The following RYR3 variants were observed in gnomAD, a reference collection of about 807,000 sequenced individuals.
RYR3 encodes brain ryanodine receptor-calcium release channel.
Under a neutral mutation model 584.3 loss-of-function variants are expected in RYR3, and 207 were observed. That is an observed-to-expected ratio of 0.35 (90% confidence interval 0.32 to 0.40). The LOEUF is 0.40. Among genes scored for constraint, RYR3 ranks in the 10% least tolerant of loss-of-function variants. The pLI, the probability that RYR3 is intolerant of heterozygous loss-of-function variation, is 1.00. For missense variants in RYR3, 5,616 were observed against 6,089.2 expected (o/e 0.92, Z 2.59); for synonymous variants, 2,416 against 2,248.5 (o/e 1.07, Z -2.11).
At chr15:33,701,301 A>T (rs1458769152) in intron 42 of RYR3, among the ~76,000 whole-genome samples, 1 of 152,204 alleles carries the variant, frequency 6.6e-6, no homozygotes, top group Admixed American at 6.5e-5. Flanking sequence ...ACATGTGGAC[A>T]TTTGTGTTCT....
At chr15:33,864,482 G>T (rs977633921) in intron 103 of RYR3, among the ~76,000 whole-genome samples, 12 of 152,156 alleles carry the variant, frequency 7.9e-5, no homozygotes, top group African/African-American at 2.9e-4. Flanking sequence ...AATAAGAAAT[G>T]GAGTGGGTGG....
In RYR3 at chr15:33,780,335, A is replaced by T. The variant is rs2074308170; in HGVS notation, c.9262A>T (p.Arg3088Trp). The change falls in exon 65 of 104, where the codon AGG (arginine) becomes TGG (tryptophan). Residue 3088 changes from arginine (R) to tryptophan (W), a missense_variant. Physicochemically the swap from Arg to Trp is moderately radical, Grantham distance 101. This residue lies in a region of RYR3 where 954 missense variants were observed against 1,132.2 expected (regional missense o/e 0.84). Transcript: ENST00000634891. ...SVFNTKTPRERSILGMPDTVE... is the reference protein window; with the variant it reads ...SVFNTKTPREWSILGMPDTVE... The stretch of plus-strand genomic sequence containing the variant: ...CTTCAACACCAAAACCCCCAGGGAG[A>T]GGTCTAGTAAGTATCTCCCCTCAAA... 13 of 1,613,626 alleles carry T rather than the reference A, an allele frequency of 8.1e-6. No individual in the cohort carries two copies. The East Asian group carries it at 2.9e-4, about 36-fold the overall frequency.
chr15:33,511,070 T>A (rs1241661557), intron 3 of RYR3, among the ~76,000 whole-genome samples: 1 of 152,114 alleles, frequency 6.6e-6, no homozygotes, highest in African/African-American at 2.4e-5. Flanking sequence ...TTGATTGCAA[T>A]TCTATGAGAA....
chr15:33,505,688 T>A (rs2052414160), intron 3 of RYR3, among the ~76,000 whole-genome samples: 1 of 152,070 alleles, frequency 6.6e-6, no homozygotes, highest in East Asian at 1.9e-4. Flanking sequence ...GAGATGGGGT[T>A]TCACCGTGTT....
intron 1 of RYR3, chr15:33,465,904 C>T (rs547381490): frequency 1.1e-4 from 49 of 445,970 alleles, no homozygotes; most frequent in African/African-American, 8.4e-4. Flanking sequence ...TTCATCTCTC[C>T]GTCTCTTCCC....
intron 31 of RYR3, 120 bp downstream of exon 31, chr15:33,649,355 A>G: frequency 1.1e-6 from 1 of 950,198 alleles, no homozygotes; most frequent in Non-Finnish European, 1.6e-6. Context: ...AAAGGAGAAA[A>G]TGAAGCACAG....
At chr15:33,354,307 C>T (rs569425148) in intron 1 of RYR3, among the ~76,000 whole-genome samples, 6 of 152,308 alleles carry the variant, frequency 3.9e-5, no homozygotes, top group Admixed American at 1.3e-4. Flanking sequence ...CCTATCCACC[C>T]AGCTTTATTT....
chr15:33,642,565 A>G (rs1199936928), intron 27 of RYR3, among the ~76,000 whole-genome samples: 1 of 152,196 alleles, frequency 6.6e-6, no homozygotes, highest in African/African-American at 2.4e-5. Context: ...ACATCTTGTC[A>G]TGGCACATAG....
chr15:33,466,208 G>C (rs1217873347), intron 1 of RYR3, among the ~76,000 whole-genome samples: 1 of 152,150 alleles, frequency 6.6e-6, no homozygotes, highest in African/African-American at 2.4e-5. Flanking sequence ...GTAAAGAAGA[G>C]AACTCTGAGG....
At chr15:33,756,434 C>T in intron 59 of RYR3, 61 bp downstream of exon 59, 1 of 1,198,338 alleles carries the variant, frequency 8.3e-7, no homozygotes, top group Non-Finnish European at 1.2e-6. Context: ...ATTTAGGAAA[C>T]AGGTTAAGTG....
chr15:33,484,692 A>G (rs1318852784), intron 2 of RYR3, among the ~76,000 whole-genome samples: 2 of 152,190 alleles, frequency 1.3e-5, no homozygotes, highest in African/African-American at 2.4e-5. Context: ...TGCTAGAGTT[A>G]TAGGTTTTAG....
chr15:33,704,656 G>A (rs559606184), intron 42 of RYR3, among the ~76,000 whole-genome samples: 9 of 152,340 alleles, frequency 5.9e-5, no homozygotes, highest in African/African-American at 2.2e-4. Context: ...TGTGTGAAAA[G>A]CAGCTGAATG....
intron 32 of RYR3, among the ~76,000 whole-genome samples, chr15:33,659,028 T>A (rs566799377): frequency 6.6e-6 from 1 of 152,308 alleles, no homozygotes; most frequent in East Asian, 1.9e-4. Context: ...CAATCAGGGG[T>A]ACTTTTGCCC....
chr15:33,405,809 T>C (rs557175335), intron 1 of RYR3, among the ~76,000 whole-genome samples: 8 of 152,314 alleles, frequency 5.3e-5, no homozygotes, highest in African/African-American at 1.9e-4. Flanking sequence ...ACAATGTCAT[T>C]AGGACTCTGC....
intron 65 of RYR3, among the ~76,000 whole-genome samples, chr15:33,784,797 A>G (rs2074603592): frequency 6.6e-6 from 1 of 152,152 alleles, no homozygotes; most frequent in Non-Finnish European, 1.5e-5. Context: ...TCTTCCTCCC[A>G]TCTTGCAGGA....
At chr15:33,521,934 C>T (rs2054013994) in intron 3 of RYR3, among the ~76,000 whole-genome samples, 1 of 152,012 alleles carries the variant, frequency 6.6e-6, no homozygotes, top group Non-Finnish European at 1.5e-5. Context: ...GCTGTGCCTT[C>T]CTCCTGTTTT....
intron 12 of RYR3, 54 bp downstream of exon 12, chr15:33,566,853 A>G: frequency 1.9e-6 from 3 of 1,598,328 alleles, no homozygotes. Flanking sequence ...GTGGCCTGCC[A>G]ACACCACCAC....
intron 90 of RYR3, among the ~76,000 whole-genome samples, chr15:33,841,401 C>A (rs1254445572): frequency 6.6e-6 from 1 of 152,106 alleles, no homozygotes; most frequent in African/African-American, 2.4e-5. Context: ...AGTTTATAAT[C>A]CCACTAGCAG....
chr15:33,757,573 T>A lies in RYR3; in HGVS notation c.8682T>A (p.His2894Gln). 1 of 1,610,944 alleles carries A rather than the reference T, an allele frequency of 6.2e-7. No individual in the cohort carries two copies. The highest frequency in any genetic ancestry group is 1.1e-5 in the South Asian group (1 of 89,890). ...KPLSSSGYAS[H>Q]KEKEMVAGLF... ...TTAGCAGCAGCGGATATGCCTCCCA[T>A]AAGGAGAAAGAAATGGTGGCCGGGT... Residue 2894 changes from histidine to glutamine, a missense_variant, in exon 60 of 104, where the codon CAT becomes CAA. His to Gln is a conservative substitution (Grantham distance 24). This residue lies in a region of RYR3 where 1,280 missense variants were observed against 1,426.2 expected (regional missense o/e 0.90). Transcript: ENST00000634891.
Sources: allele counts gnomAD v4.1 joint callset (sites outside exome capture counted in the v4.1 genomes callset), GRCh38; gene constraint gnomAD v4.1.1; regional missense constraint gnomAD v4.1.1; transcripts MANE v1.5; gene names NCBI Gene and HGNC (gene_info 2026-07-23, HGNC 2026-07-21).